The following NEK6 variants were observed in gnomAD, a reference collection of about 807,000 sequenced individuals.
NEK6 encodes NIMA related kinase 6.
A neutral mutation model predicts 43.5 loss-of-function variants in NEK6; 27 were observed. That is an observed-to-expected ratio of 0.62 (90% confidence interval 0.46 to 0.86). NEK6 has a LOEUF of 0.86. NEK6 is among the 40% of genes least tolerant of loss of function. NEK6 has a pLI of 0.00. For synonymous variants in NEK6, 167 were observed against 164.1 expected (o/e 1.02, Z -0.14); for missense variants, 318 against 414.4 (o/e 0.77, Z 2.02).
intron 4 of NEK6, among the ~76,000 whole-genome samples, chr9:124,317,283 C>G (rs970381975): frequency 2.6e-5 from 4 of 152,178 alleles, no homozygotes; most frequent in Non-Finnish European, 1.5e-5. Flanking sequence ...AACAGGGTCT[C>G]GCTCTGTCAC....
At chr9:124,292,057 T>C in intron 1 of NEK6, 1 of 1,022,606 alleles carries the variant, frequency 9.8e-7, no homozygotes, top group Non-Finnish European at 1.2e-6. Flanking sequence ...GAGCAGACCT[T>C]CCCTGGAGCT....
At chr9:124,288,249 A>C (rs772874237) in intron 1 of NEK6, among the ~76,000 whole-genome samples, 16 of 152,208 alleles carry the variant, frequency 1.1e-4, no homozygotes, top group Admixed American at 7.8e-4. Context: ...AGGAATCATA[A>C]CAGTGGCAGT....
chr9:124,295,007 C>A (rs1832612711), intron 1 of NEK6, among the ~76,000 whole-genome samples: 1 of 152,122 alleles, frequency 6.6e-6, no homozygotes. Context: ...GGCGAGGCAT[C>A]CGGAGGCTAC....
chr9:124,348,858 A>G (rs1564667719), intron 9 of NEK6, among the ~76,000 whole-genome samples: 1 of 152,226 alleles, frequency 6.6e-6, no homozygotes, highest in Non-Finnish European at 1.5e-5. Context: ...CCCCTCACCC[A>G]TTTACCAATA....
intron 1 of NEK6, chr9:124,259,430 GT>G (rs1323734058): frequency 4.6e-5 from 7 of 152,078 alleles, no homozygotes; most frequent in Admixed American, 1.3e-4. Context: ...GACTCAGCGA[GT>G]TTGGACTCAG....
chr9:124,317,807 GA>G (rs1833890152), intron 4 of NEK6, among the ~76,000 whole-genome samples: 1 of 152,136 alleles, frequency 6.6e-6, no homozygotes, highest in African/African-American at 2.4e-5. Context: ...TTTCTCTTAG[GA>G]TAATGGCCTC....
intron 7 of NEK6, among the ~76,000 whole-genome samples, chr9:124,328,727 T>A (rs1318977140): frequency 1.3e-5 from 2 of 152,170 alleles, no homozygotes; most frequent in Non-Finnish European, 2.9e-5. Context: ...CCAGAGAGAC[T>A]CTCAGCGCGT....
At chr9:124,350,456 C>T (rs943608823) in intron 9 of NEK6, among the ~76,000 whole-genome samples, 1 of 152,028 alleles carries the variant, frequency 6.6e-6, no homozygotes, top group African/African-American at 2.4e-5. Context: ...AAGCCCTTGC[C>T]TTGAGTTTTG....
chr9:124,269,919 A>G (rs1167189513), intron 1 of NEK6, among the ~76,000 whole-genome samples: 1 of 152,126 alleles, frequency 6.6e-6, no homozygotes, highest in Non-Finnish European at 1.5e-5. Context: ...CCTGGGAGGA[A>G]TCAACTGACA....
chr9:124,326,139 C>T lies in NEK6; in HGVS notation c.406-191C>T, dbSNP rs1834318111. ...GGGTGGCTGCAGAGTGCCATTCAGG[C>T]AGAAGTAGAGGCGTGGACACAGCAC... On this transcript the variant is annotated intron_variant, in intron 5 of 9. Transcript: ENST00000320246. The surrounding 1 kb of genome is among the most constrained non-coding windows in gnomAD (Gnocchi z 4.5). Among the ~76,000 whole-genome samples the T allele has an allele frequency of 6.6e-6, 1 of 152,002 alleles. No homozygotes were observed. Among genetic ancestry groups the T allele is most frequent in the African/African-American group, 2.4e-5 (1 of 41,376 alleles).
intron 4 of NEK6, among the ~76,000 whole-genome samples, chr9:124,317,817 T>C (rs1209142579): frequency 6.6e-6 from 1 of 152,242 alleles, no homozygotes; most frequent in African/African-American, 2.4e-5. Context: ...GATAATGGCC[T>C]CCTGCTGCAT....
rs556817741 is a variant in NEK6 at position 124,261,630 on chromosome 9, T to C, written c.-30+3545T>C. The C allele has an allele frequency of 1.5e-4, 144 of 962,596 alleles. 1 individual carries two copies. The African/African-American group carries it at 2.2e-3, about 15-fold the overall frequency. The allele number at this position is 962,596 out of a possible 1,614,324, so 59.6% of individuals were successfully genotyped here. A position where few individuals can be genotyped will look rare whatever the true frequency, so the allele number is the denominator to read the frequency against. ...ATTTAAGTCCCCTGCCTGCCTTTTT[T>C]CCCTGCTCATTTCCATTTCGATCAC... On this transcript the variant is annotated intron_variant, in intron 1 of 9. Coordinates refer to ENST00000320246, the MANE Select transcript of NEK6 (RefSeq NM_014397.6).
At chr9:124,293,372 G>A (rs1476043419) in intron 1 of NEK6, among the ~76,000 whole-genome samples, 1 of 152,198 alleles carries the variant, frequency 6.6e-6, no homozygotes, top group East Asian at 1.9e-4. Flanking sequence ...TCATCTTCAG[G>A]GAGGCTGGGA....
intron 4 of NEK6, among the ~76,000 whole-genome samples, chr9:124,319,893 T>C (rs1308523453): frequency 6.6e-6 from 1 of 152,352 alleles, no homozygotes; most frequent in African/African-American, 2.4e-5. Context: ...AGGTTTGTTC[T>C]TTTTGCTTAG....
intron 9 of NEK6, 53 bp downstream of exon 9, chr9:124,347,875 T>C (rs773751174): frequency 5.5e-6 from 6 of 1,085,512 alleles, no homozygotes; most frequent in South Asian, 1.3e-5. Flanking sequence ...CACCGAGGCT[T>C]ATGAGGGCCG....
At chr9:124,296,233 C>T (rs999330089) in intron 1 of NEK6, among the ~76,000 whole-genome samples, 5 of 152,378 alleles carry the variant, frequency 3.3e-5, no homozygotes, top group African/African-American at 9.6e-5. Flanking sequence ...ACCATTCGCT[C>T]GGGGCGGAGA....
rs777446257 is a variant in NEK6, at chr9:124,351,760, C to T, written c.*813C>T. The T allele has an allele frequency of 2.0e-5, 3 of 152,190 alleles. No homozygotes were observed. The highest frequency in any genetic ancestry group is 2.1e-4 in the South Asian group (1 of 4,828). 9.4% of individuals were successfully genotyped at this position (152,190 alleles called of 1,614,324 possible). ...AAATTCTGGTTCTGCAACTTCCTAG[C>T]GTGACTTTGGGCTTGGGCAAGTTTC... is the stretch of plus-strand genomic sequence containing the variant. On this transcript the variant is annotated 3_prime_UTR_variant, in exon 10 of 10. Transcript: ENST00000320246.
chr9:124,296,366 GA>G (rs1317760388), intron 1 of NEK6, among the ~76,000 whole-genome samples: 1 of 152,224 alleles, frequency 6.6e-6, no homozygotes, highest in Non-Finnish European at 1.5e-5. Context: ...GGAAACTGGA[GA>G]GGGGAGTACA....
chr9:124,312,018 C>T (rs1833552261), intron 2 of NEK6, among the ~76,000 whole-genome samples: 1 of 152,200 alleles, frequency 6.6e-6, no homozygotes, highest in Non-Finnish European at 1.5e-5. Flanking sequence ...GTTTTCTTGT[C>T]TGAGATGGGG....
Sources: gnomAD v4.1 joint callset for allele counts (sites outside exome capture counted in the v4.1 genomes callset) on GRCh38, gnomAD v4.1.1 for gene constraint, Gnocchi (gnomAD v3.1) non-coding constraint, MANE v1.5 for transcripts, NCBI Gene and HGNC (gene_info 2026-07-23, HGNC 2026-07-21) for gene names.